Variants in DLEU7 observed in about 807,000 individuals in gnomAD.
DLEU7 encodes deleted in lymphocytic leukemia 7, also known as leukemia-associated protein 7.
A neutral mutation model predicts 16.0 loss-of-function variants in DLEU7; 17 were observed. That is an observed-to-expected ratio of 1.06 (90% CI 0.73 to 1.59). The LOEUF (loss-of-function observed/expected upper bound fraction) is 1.59, where lower values mean the gene tolerates loss of function less well. DLEU7 is among the 40% of genes most tolerant of loss of function. The probability of loss-of-function intolerance (pLI) is 0.00; values close to 1 mark genes in which losing one functional copy is unlikely to be tolerated. For missense variants in DLEU7, 308 were observed against 314.9 expected (o/e 0.98, Z 0.17); for synonymous variants, 113 against 139.8 (o/e 0.81, Z 1.35).
intron 1 of DLEU7, among the ~76,000 whole-genome samples, chr13:50,758,333 A>C (rs1245414770): frequency 6.6e-6 from 1 of 152,208 alleles, no homozygotes; most frequent in African/African-American, 2.4e-5. Context: ...GATCAAAGTG[A>C]GAAGATAACC....
rs559129784 is a variant in DLEU7 at position 50,728,527 on chromosome 13, C to T, written c.460-15287G>A. 1.4e-4 allele frequency among the ~76,000 whole-genome samples: 22 copies of T among 152,112 alleles called. No individual in the cohort carries two copies. In the South Asian group the frequency reaches 4.4e-3, roughly 30 times the overall value. On this transcript the variant is annotated intron_variant, in intron 1 of 1. Transcript: ENST00000400393. ...AGGACATAAAGTATGCTACACTCCCCAAAAGTGTTTTCCCAGGAAAGCCCT... is the reference window on the plus strand; with the variant it reads ...AGGACATAAAGTATGCTACACTCCCTAAAAGTGTTTTCCCAGGAAAGCCCT...
intron 1 of DLEU7, among the ~76,000 whole-genome samples, chr13:50,831,924 A>G (rs192292014): frequency 6.6e-6 from 1 of 152,326 alleles, no homozygotes; most frequent in East Asian, 1.9e-4. Context: ...GATGTTCATC[A>G]GGGATATTGG....
chr13:50,773,944 T>C (rs1875408977), intron 1 of DLEU7, among the ~76,000 whole-genome samples: 1 of 152,190 alleles, frequency 6.6e-6, no homozygotes, highest in African/African-American at 2.4e-5. Context: ...TCCAGGCCAC[T>C]TTGTTTACCT....
downstream of DLEU7, chr13:50,711,327 T>G (rs1873278703): frequency 6.6e-6 from 1 of 152,240 alleles, no homozygotes; most frequent in African/African-American, 2.4e-5. Flanking sequence ...AGCATCTGTT[T>G]TATTTTTGAC....
At chr13:50,723,014 T>A (rs1873664692) in intron 1 of DLEU7, 1 of 152,218 alleles carries the variant, frequency 6.6e-6, no homozygotes. Context: ...ATTGTATTGA[T>A]AAATGTATCA....
chr13:50,743,290 G>A (rs891878858), intron 1 of DLEU7, among the ~76,000 whole-genome samples: 2 of 152,162 alleles, frequency 1.3e-5, no homozygotes, highest in Non-Finnish European at 2.9e-5. Context: ...GACCAAGCAG[G>A]TTTGCTGACA....
chr13:50,722,676 A>G (rs1873655616), intron 1 of DLEU7, among the ~76,000 whole-genome samples: 1 of 152,192 alleles, frequency 6.6e-6, no homozygotes, highest in Admixed American at 6.5e-5. Context: ...CTCTACCATA[A>G]CATTAATCTA....
chr13:50,801,716 G>A (rs2137781934), intron 1 of DLEU7, among the ~76,000 whole-genome samples: 1 of 152,106 alleles, frequency 6.6e-6, no homozygotes, highest in East Asian at 1.9e-4. Context: ...GCGCGCCCTT[G>A]TACCACCACA....
intron 1 of DLEU7, among the ~76,000 whole-genome samples, chr13:50,802,673 T>C (rs1876283714): frequency 6.6e-6 from 1 of 152,204 alleles, no homozygotes; most frequent in Non-Finnish European, 1.5e-5. Context: ...TAAACTTGGA[T>C]GGCACAAAAG....
Position 50,823,509 on chromosome 13 carries a change from C to T in DLEU7, c.471G>A (p.Glu157=). ...SFPIHLKDSV[E]FRNICSHLAL... ...CCAAATGACTGCAGATGTTTCTAAA[C>T]TCAACACTATCCTGAAATGAACAAC... The change falls in exon 2 of 2, where the codon GAG becomes GAA. Residue 157 remains glutamate (E), a synonymous_variant. Coordinates refer to ENST00000504404, the MANE Select transcript of DLEU7 (RefSeq NM_001306135.2). 4 of 1,535,798 alleles carry T rather than the reference C, an allele frequency of 2.6e-6. No individual in the cohort carries two copies. The highest frequency in any genetic ancestry group is 3.5e-6 in the Non-Finnish European group (4 of 1,146,652).
intron 1 of DLEU7, among the ~76,000 whole-genome samples, chr13:50,814,498 A>G (rs778408323): frequency 2.6e-5 from 4 of 151,922 alleles, no homozygotes; most frequent in Non-Finnish European, 5.9e-5. Flanking sequence ...AATACCTAGC[A>G]TATTGATAGT....
intron 1 of DLEU7, among the ~76,000 whole-genome samples, chr13:50,816,016 T>G (rs1281887007): frequency 6.6e-6 from 1 of 152,112 alleles, no homozygotes. Flanking sequence ...TGAGGTCAAT[T>G]ACATCAAATG....
At chr13:50,838,038 CA>C (rs1486424303) in intron 1 of DLEU7, among the ~76,000 whole-genome samples, 2 of 152,018 alleles carry the variant, frequency 1.3e-5, no homozygotes, top group Non-Finnish European at 2.9e-5. Flanking sequence ...GAAACAGGTC[CA>C]GGGGCAAGTG....
intron 1 of DLEU7, among the ~76,000 whole-genome samples, chr13:50,814,275 AT>A (rs2137793447): frequency 6.6e-6 from 1 of 152,164 alleles, no homozygotes; most frequent in Admixed American, 6.5e-5. Flanking sequence ...TGCTGATAAA[AT>A]GCTGAGCAAC....
chr13:50,843,468 C>G lies in DLEU7; in HGVS notation c.179G>C (p.Arg60Pro). The change falls in exon 1 of 2, where the codon CGG becomes CCG. Residue 60 changes from arginine (R) to proline (P), a missense_variant. By Grantham distance (103) the Arg-to-Pro change is moderately radical (BLOSUM62 -2). Transcript: ENST00000504404. The surrounding 1 kb of genome is among the most constrained non-coding windows in gnomAD (Gnocchi z 5.7). The stretch of plus-strand genomic sequence containing the variant: ...CCGCTCCTCGCGCCCGGGCCCCGGC[C>G]GGGCCCGCGGCGGGCCTGAGCGACG... ...PARRSGPPRARPGPGREERGG... is the reference protein window; with the variant it reads ...PARRSGPPRAPPGPGREERGG... 3 of 1,327,968 alleles carry G rather than the reference C, an allele frequency of 2.3e-6. No individual in the cohort carries two copies. The highest frequency in any genetic ancestry group is 1.5e-5 in the African/African-American group (1 of 64,680). 82.3% of individuals were successfully genotyped at this position (1,327,968 alleles called of 1,614,324 possible).
chr13:50,822,962 C>T lies in DLEU7; in HGVS notation c.*352G>A. ...AAATAACCACATTAAACCCTTTAGA[C>T]CTACATTAATATGAATACAAATTAA... On this transcript the variant is annotated 3_prime_UTR_variant, in exon 2 of 2. Coordinates refer to ENST00000504404, the MANE Select transcript of DLEU7 (RefSeq NM_001306135.2). The T allele has an allele frequency of 1.1e-6, 1 of 947,648 alleles. No homozygotes were observed. The highest frequency in any genetic ancestry group is 4.3e-5 in the South Asian group (1 of 23,032). 58.7% of individuals were successfully genotyped at this position (947,648 alleles called of 1,614,324 possible). A position where few individuals can be genotyped will look rare whatever the true frequency, so the allele number is the denominator to read the frequency against.
intron 1 of DLEU7, among the ~76,000 whole-genome samples, chr13:50,732,380 G>A (rs1322355195): frequency 1.3e-5 from 2 of 152,070 alleles, no homozygotes; most frequent in African/African-American, 2.4e-5. Flanking sequence ...GGAGGCTGAG[G>A]TGGGCTAATC....
chr13:50,767,322 G>A (rs1344017527), intron 1 of DLEU7, among the ~76,000 whole-genome samples: 2 of 152,100 alleles, frequency 1.3e-5, no homozygotes, highest in African/African-American at 2.4e-5. Flanking sequence ...CGGGCGTGGT[G>A]GCGGGCGCCT....
rs536261912 is a variant in DLEU7, at chr13:50,835,043, G to T, written c.459+8145C>A. Among the ~76,000 whole-genome samples the T allele has an allele frequency of 3.3e-5, 5 of 151,626 alleles. No homozygotes were observed. In the South Asian group the frequency reaches 6.3e-4, roughly 19 times the overall value. On this transcript the variant is annotated intron_variant, in intron 1 of 1. Transcript: ENST00000504404. ...GCATATCACATACCGGGGCCTGTAG[G>T]GGGGTGGGGGGCTAGGGGAGGGATA...
Sources: allele counts gnomAD v4.1 joint callset (sites outside exome capture counted in the v4.1 genomes callset), GRCh38; gene constraint gnomAD v4.1.1; non-coding constraint Gnocchi (gnomAD v3.1); transcripts MANE v1.5; gene names NCBI Gene and HGNC (gene_info 2026-07-23, HGNC 2026-07-21).